Variants in PRSS12 observed in about 807,000 individuals in gnomAD.
PRSS12 encodes the protein serine protease 12, also known as neurotrypsin.
In PRSS12, 85 loss-of-function variants were observed where a neutral mutation model predicts 104.4. The observed-to-expected ratio is 0.81, with a 90% CI of 0.68 to 0.98. The LOEUF (loss-of-function observed/expected upper bound fraction) is 0.98, where lower values mean the gene tolerates loss of function less well. Ranked by LOEUF, PRSS12 falls within the 50% of genes least tolerant of loss-of-function variation. PRSS12 has a pLI of 0.00. For missense variants in PRSS12, 1,141 were observed against 1,139.2 expected, an observed-to-expected ratio of 1.00 and a Z score of -0.02; for synonymous variants, 454 against 425.2, an observed-to-expected ratio of 1.07 and a Z score of -0.83.
chr4:118,317,101 T>A (rs1268183733), intron 5 of PRSS12, among the ~76,000 whole-genome samples: 1 of 151,846 alleles, frequency 6.6e-6, no homozygotes, highest in Non-Finnish European at 1.5e-5. Context: ...AAAAAACTAT[T>A]CTGGATAAAA....
chr4:118,338,985 T>A (rs1724131018), intron 1 of PRSS12, among the ~76,000 whole-genome samples: 1 of 152,292 alleles, frequency 6.6e-6, no homozygotes, highest in East Asian at 1.9e-4. Context: ...TGAATGCCCC[T>A]GGAAACTCAC....
intron 1 of PRSS12, among the ~76,000 whole-genome samples, chr4:118,344,781 A>C (rs1724314684): frequency 1.3e-5 from 2 of 152,208 alleles, no homozygotes; most frequent in African/African-American, 4.8e-5. Context: ...TCCTTAGTTT[A>C]AAACATTATA....
rs1394365841 is a variant in PRSS12, at chr4:118,282,956, A to C, written c.2195T>G (p.Leu732Ter). ...GGCACATTGCTCTTCTGGTCCTTGTAATCTAACCAGGGCTATGTCATAATC... is the reference window on the plus strand; with the variant it reads ...GGCACATTGCTCTTCTGGTCCTTGTCATCTAACCAGGGCTATGTCATAATC... Reference protein sequence around the residue: ...RSDYDIALVRLQGPEEQCARF... With the variant: ...RSDYDIALVR The change falls in exon 12 of 13, where the codon TTA becomes TGA. Residue 732 changes from leucine (L) to a stop codon, truncating the protein, a stop_gained. Coordinates refer to ENST00000296498, the MANE Select transcript of PRSS12 (RefSeq NM_003619.4). LOFTEE classifies it high-confidence loss of function. 5.0e-6 allele frequency: 8 copies of C among 1,614,148 alleles called. No homozygotes were observed. Among genetic ancestry groups the C allele is most frequent in the African/African-American group, 1.3e-5 (1 of 75,022 alleles).
At chr4:118,328,618 A>G (rs925919557) in intron 4 of PRSS12, among the ~76,000 whole-genome samples, 1 of 152,168 alleles carries the variant, frequency 6.6e-6, no homozygotes, top group Non-Finnish European at 1.5e-5. Context: ...ACATTACAGC[A>G]TGAATTTCTA....
chr4:118,351,678 G>A (rs1307033788), intron 1 of PRSS12, among the ~76,000 whole-genome samples: 2 of 151,954 alleles, frequency 1.3e-5, no homozygotes, highest in African/African-American at 4.8e-5. Flanking sequence ...GCTGATTTTG[G>A]CCACATAATT....
At chr4:118,288,074 G>A (rs977989967) in intron 11 of PRSS12, among the ~76,000 whole-genome samples, 30 of 152,148 alleles carry the variant, frequency 2.0e-4, no homozygotes, top group African/African-American at 6.8e-4. Context: ...AGGTTGCAGG[G>A]TCATATTCTT....
intron 7 of PRSS12, 187 bp downstream of exon 7, chr4:118,313,014 C>G (rs1743789842): frequency 4.5e-6 from 3 of 662,856 alleles, no homozygotes; most frequent in Non-Finnish European, 7.5e-6. Flanking sequence ...GTAGAAATTT[C>G]ATAATGTTGG....
chr4:118,333,217 C>T (rs754319540), intron 3 of PRSS12, among the ~76,000 whole-genome samples: 7 of 152,050 alleles, frequency 4.6e-5, no homozygotes, highest in South Asian at 2.1e-4. Flanking sequence ...GAATAAAGGA[C>T]GTAATATGGT....
Position 118,352,565 on chromosome 4 carries a change from C to A in PRSS12, c.156G>T (p.Arg52=), listed in dbSNP as rs750097827. The A allele has an allele frequency of 1.3e-6, 2 of 1,549,530 alleles. No individual in the cohort carries two copies. Among genetic ancestry groups the A allele is most frequent in the East Asian group, 5.0e-5 (2 of 39,998 alleles). ...HYPYYLPTQQ[R]PPRTRPPPPL... ...GCGGCGGCGGACGCGTCCTCGGGGG[C>A]CGCTGCTGGGTGGGAAGGTAATAGG... Residue 52 remains arginine (R), a synonymous_variant, in exon 1 of 13, where the codon CGG becomes CGT. Transcript: ENST00000296498.
intron 4 of PRSS12, among the ~76,000 whole-genome samples, chr4:118,327,650 T>C (rs1298703117): frequency 6.6e-6 from 1 of 152,176 alleles, no homozygotes; most frequent in African/African-American, 2.4e-5. Context: ...TACAAAGCTA[T>C]GCTTTTAAGA....
chr4:118,305,749 T>G (rs1427540608), intron 8 of PRSS12, among the ~76,000 whole-genome samples: 1 of 152,162 alleles, frequency 6.6e-6, no homozygotes, highest in Non-Finnish European at 1.5e-5. Flanking sequence ...GGTAGATCTC[T>G]AGAACTTATT....
At chr4:118,341,247 C>G (rs1724199699) in intron 1 of PRSS12, among the ~76,000 whole-genome samples, 2 of 152,000 alleles carry the variant, frequency 1.3e-5, no homozygotes, top group Non-Finnish European at 2.9e-5. Flanking sequence ...ACTTCTGAGG[C>G]CTTCATTTGG....
intron 3 of PRSS12, among the ~76,000 whole-genome samples, chr4:118,334,350 T>G (rs1483746702): frequency 6.6e-6 from 1 of 152,098 alleles, no homozygotes; most frequent in Non-Finnish European, 1.5e-5. Context: ...AATTTTTTAC[T>G]TTACTACTTG....
chr4:118,281,549 T>C lies in PRSS12; in HGVS notation c.*387A>G, dbSNP rs908721405. ...CATGAGTGTAGTAAAGGGTACCGCA[T>C]TTATGTCAAATGTGGGTATTTAATA... On this transcript the variant is annotated 3_prime_UTR_variant, in exon 13 of 13. Coordinates refer to ENST00000296498, the MANE Select transcript of PRSS12 (RefSeq NM_003619.4). The C allele has an allele frequency of 2.1e-5, 6 of 291,262 alleles. No individual in the cohort carries two copies. Among genetic ancestry groups the C allele is most frequent in the African/African-American group, 1.3e-4 (6 of 45,958 alleles). 18.0% of individuals were successfully genotyped at this position (291,262 alleles called of 1,614,324 possible).
At chr4:118,312,593 T>G (rs969009795) in intron 7 of PRSS12, among the ~76,000 whole-genome samples, 11 of 152,260 alleles carry the variant, frequency 7.2e-5, no homozygotes, top group Non-Finnish European at 1.6e-4. Flanking sequence ...CTAGTTACCT[T>G]TTATCCAAAA....
intron 4 of PRSS12, among the ~76,000 whole-genome samples, chr4:118,318,795 T>C (rs1207915958): frequency 6.6e-6 from 1 of 152,204 alleles, no homozygotes; most frequent in Non-Finnish European, 1.5e-5. Context: ...TTTTCTTCAT[T>C]AGTAATGGAA....
At chr4:118,334,054 A>C (rs1724000748) in intron 3 of PRSS12, among the ~76,000 whole-genome samples, 5 of 152,208 alleles carry the variant, frequency 3.3e-5, no homozygotes, top group Admixed American at 3.3e-4. Flanking sequence ...TGTAATTCCC[A>C]AATTTAAGGG....
intron 4 of PRSS12, among the ~76,000 whole-genome samples, chr4:118,328,091 T>C (rs761588974): frequency 3.3e-5 from 5 of 152,208 alleles, no homozygotes; most frequent in Non-Finnish European, 5.9e-5. Context: ...CTATCAATCC[T>C]GTGCCATTAA....
At position 118,309,282 on chromosome 4, in the gene PRSS12, C is replaced by A. The variant is rs999663650; in HGVS notation, c.1490-705G>T. ...TGTAAAGTGTCACATATCACCACAC[C>A]AATAATTATGATTTTGAATCGAAAC... On this transcript the variant is annotated intron_variant, in intron 7 of 12. Transcript: ENST00000296498. Among the ~76,000 whole-genome samples, 4 of 152,048 alleles carry A rather than the reference C, an allele frequency of 2.6e-5. No homozygotes were observed. In the East Asian group the frequency reaches 7.7e-4, roughly 29 times the overall value.
Sources: gnomAD v4.1 joint callset for allele counts (sites outside exome capture counted in the v4.1 genomes callset) on GRCh38, gnomAD v4.1.1 for gene constraint, MANE v1.5 for transcripts, NCBI Gene and HGNC (gene_info 2026-07-23, HGNC 2026-07-21) for gene names.